The following ARHGAP23 variants were observed in gnomAD, a reference collection of about 807,000 sequenced individuals.
ARHGAP23 encodes Rho GTPase activating protein 23, also known as rho GTPase-activating protein 23.
Under a neutral mutation model 136.3 loss-of-function variants are expected in ARHGAP23, and 34 were observed. The ratio of observed to expected loss-of-function variants is 0.25; its 90% CI spans 0.19 to 0.33. The LOEUF is 0.33. Among genes scored for constraint, ARHGAP23 ranks in the 10% least tolerant of loss-of-function variants. The probability of loss-of-function intolerance (pLI) is 1.00; values close to 1 mark genes in which losing one functional copy is unlikely to be tolerated. For synonymous variants in ARHGAP23, 832 were observed against 920.5 expected (o/e 0.90, Z 1.74); for missense variants, 1,808 against 2,139.0 (o/e 0.85, Z 3.05).
intron 1 of ARHGAP23, 130 bp from the exon 2 acceptor site, chr17:38,457,972 A>T: frequency 9.0e-7 from 1 of 1,105,708 alleles, no homozygotes; most frequent in South Asian, 1.5e-5. Flanking sequence ...GGCAGGGAGG[A>T]TGCCTGGCAA....
intron 1 of ARHGAP23, among the ~76,000 whole-genome samples, chr17:38,446,558 G>C (rs2039038518): frequency 1.3e-5 from 2 of 151,164 alleles, no homozygotes; most frequent in Admixed American, 6.6e-5. Flanking sequence ...AGTTGTTGTG[G>C]ATATATACCC....
chr17:38,436,529 C>G (rs1567774527), intron 1 of ARHGAP23, among the ~76,000 whole-genome samples: 1 of 152,236 alleles, frequency 6.6e-6, no homozygotes, highest in Non-Finnish European at 1.5e-5. Context: ...CCGAATCGAA[C>G]CCACTGTCAG....
intron 22 of ARHGAP23, among the ~76,000 whole-genome samples, chr17:38,498,713 G>A (rs1375830364): frequency 6.6e-6 from 1 of 152,198 alleles, no homozygotes; most frequent in Non-Finnish European, 1.5e-5. Context: ...TCCTGTCTGC[G>A]CAGCTGCCCC....
chr17:38,434,634 G>C (rs2038754834), intron 1 of ARHGAP23, among the ~76,000 whole-genome samples: 1 of 152,238 alleles, frequency 6.6e-6, no homozygotes, highest in Non-Finnish European at 1.5e-5. Flanking sequence ...AGCCATGTGG[G>C]AGGACAACCA....
At chr17:38,421,104 C>A (rs1415582234) in intron 1 of ARHGAP23, among the ~76,000 whole-genome samples, 1 of 152,192 alleles carries the variant, frequency 6.6e-6, no homozygotes, top group Non-Finnish European at 1.5e-5. Context: ...TCCCCTTTCC[C>A]AGAGGACAGA....
Position 38,511,823 on chromosome 17 carries a change from CAGCCCAGGCACACAGA to C in ARHGAP23, c.*858_*873del, listed in dbSNP as rs1283175641. 2 of 152,216 alleles carry C rather than the reference CAGCCCAGGCACACAGA, an allele frequency of 1.3e-5. No individual in the cohort carries two copies. The allele number at this position is 152,216 out of a possible 1,614,324, so 9.4% of individuals were successfully genotyped here. ...TTTCCATCTGTGCCTGTTCCTTCCA[CAGCCCAGGCACACAGA>C]AGCCCACCTTCTTCCCCTTAGGAGG... On this transcript the variant is annotated 3_prime_UTR_variant, in exon 24 of 24. Transcript: ENST00000622683.
At chr17:38,469,818 A>T in intron 9 of ARHGAP23, 29 bp from the exon 10 acceptor site, 8 of 1,551,244 alleles carry the variant, frequency 5.2e-6, no homozygotes, top group Non-Finnish European at 7.0e-6. Context: ...TGCTGCCCAC[A>T]TCCCTCACCC....
intron 16 of ARHGAP23, among the ~76,000 whole-genome samples, chr17:38,485,007 C>T (rs1208454668): frequency 1.3e-5 from 2 of 152,106 alleles, no homozygotes; most frequent in Non-Finnish European, 2.9e-5. Flanking sequence ...CCATTCCCAG[C>T]GAGGCGGCTG....
At position 38,458,139 on chromosome 17, in the gene ARHGAP23, G is replaced by A. The variant is rs1431792561; in HGVS notation, c.101G>A (p.Arg34His). The A allele has an allele frequency of 5.9e-6, 9 of 1,536,106 alleles. No homozygotes were observed. The highest frequency in any genetic ancestry group is 7.0e-6 in the Non-Finnish European group (8 of 1,146,894). Residue 34 changes from arginine to histidine, a missense_variant, in exon 2 of 24, where the codon CGC becomes CAC. Physicochemically the swap from Arg to His is conservative, Grantham distance 29. This residue lies in a region of ARHGAP23 where 859 missense variants were observed against 936.4 expected (regional missense o/e 0.92). Transcript: ENST00000622683. ...CCAAGAGATGGGTGCTCTCCTAGGC[G>A]CCCCTTCCCCTGGCAGGGGCCGAGG... ...LGPRDGCSPR[R>H]PFPWQGPRTL...
chr17:38,419,714 A>G (rs540967120), intron 1 of ARHGAP23, among the ~76,000 whole-genome samples: 21 of 151,930 alleles, frequency 1.4e-4, no homozygotes, highest in Non-Finnish European at 2.8e-4. Flanking sequence ...AGAAACCCCC[A>G]TCCCCACTTG....
intron 18 of ARHGAP23, 92 bp downstream of exon 18, chr17:38,490,267 C>A (rs756749141): frequency 6.7e-6 from 9 of 1,338,726 alleles, no homozygotes; most frequent in African/African-American, 1.5e-5. Flanking sequence ...CTGCCCACGA[C>A]CCCTGTGGCC....
chr17:38,441,303 C>A (rs923399949), intron 1 of ARHGAP23, among the ~76,000 whole-genome samples: 1 of 152,226 alleles, frequency 6.6e-6, no homozygotes, highest in Admixed American at 6.5e-5. Flanking sequence ...GCCAGCCTGG[C>A]GCACTATTCA....
chr17:38,511,286 G>A lies in ARHGAP23; in HGVS notation c.*314G>A. On this transcript the variant is annotated 3_prime_UTR_variant, in exon 24 of 24. Coordinates refer to ENST00000622683, the MANE Select transcript of ARHGAP23 (RefSeq NM_001199417.2). ...TGAGCCTTTCTGTGGCTGCACTTGG[G>A]GACCCTTGTGGACCATGGGGTGTGG... 1 of 331,928 alleles carries A rather than the reference G, an allele frequency of 3.0e-6. No homozygotes were observed. Among genetic ancestry groups the A allele is most frequent in the Non-Finnish European group, 5.4e-6 (1 of 184,248 alleles). 20.6% of individuals were successfully genotyped at this position (331,928 alleles called of 1,614,324 possible).
At chr17:38,485,717 C>T (rs1455418085) in intron 16 of ARHGAP23, among the ~76,000 whole-genome samples, 7 of 152,120 alleles carry the variant, frequency 4.6e-5, no homozygotes, top group African/African-American at 1.2e-4. Flanking sequence ...AGGAAGGAGC[C>T]GGCACGAATG....
At chr17:38,492,512 A>C (rs1311886576) in intron 20 of ARHGAP23, among the ~76,000 whole-genome samples, 1 of 152,218 alleles carries the variant, frequency 6.6e-6, no homozygotes, top group Non-Finnish European at 1.5e-5. Context: ...GTGGCAGCCC[A>C]AGATTTCAAG....
chr17:38,484,939 G>A (rs1422478080), intron 16 of ARHGAP23, among the ~76,000 whole-genome samples: 2 of 152,126 alleles, frequency 1.3e-5, no homozygotes, highest in African/African-American at 4.8e-5. Context: ...GTGTACTGCT[G>A]TACTGTGTCT....
intron 1 of ARHGAP23, among the ~76,000 whole-genome samples, chr17:38,439,581 GAC>G (rs1279355260): frequency 3.9e-5 from 6 of 152,222 alleles, no homozygotes; most frequent in Non-Finnish European, 8.8e-5. Context: ...CTCAGGGCCA[GAC>G]ACTGCTGTGC....
intron 1 of ARHGAP23, among the ~76,000 whole-genome samples, chr17:38,456,370 C>T (rs1478261464): frequency 2.0e-5 from 3 of 152,188 alleles, no homozygotes; most frequent in Non-Finnish European, 4.4e-5. Flanking sequence ...TTTGAGCTTT[C>T]TCCAGCTACG....
chr17:38,495,228 C>CTTTTTT (rs11295890), intron 20 of ARHGAP23, among the ~76,000 whole-genome samples: 12 of 135,492 alleles, frequency 8.9e-5, no homozygotes, highest in Non-Finnish European at 1.1e-4. Context: ...TTTTCTTTTT[C>CTTTTTT]TTTTTTTTTT....
Sources: gnomAD v4.1 joint callset for allele counts (sites outside exome capture counted in the v4.1 genomes callset) on GRCh38, gnomAD v4.1.1 for gene constraint, gnomAD v4.1.1 regional missense constraint, MANE v1.5 for transcripts, NCBI Gene and HGNC (gene_info 2026-07-23, HGNC 2026-07-21) for gene names.